ARHGAP44: variants seen among roughly 807,000 people sequenced by gnomAD.
ARHGAP44 encodes Rho GTPase activating protein 44, also known as rho GTPase-activating protein 44.
In ARHGAP44, 43 loss-of-function variants were observed where a neutral mutation model predicts 106.8. The observed-to-expected ratio is 0.40, with a 90% CI of 0.32 to 0.52. The LOEUF (loss-of-function observed/expected upper bound fraction) is 0.52. Ranked by LOEUF, ARHGAP44 falls within the 20% of genes least tolerant of loss-of-function variation. ARHGAP44 has a pLI of 0.48. For missense variants in ARHGAP44, 866 were observed against 1,050.5 expected, an observed-to-expected ratio of 0.82 and a Z score of 2.43; for synonymous variants, 439 against 410.3, an observed-to-expected ratio of 1.07 and a Z score of -0.85.
chr17:12,904,354 C>T lies in ARHGAP44; in HGVS notation c.199-4543C>T, dbSNP rs904109609. Among the ~76,000 whole-genome samples the T allele has an allele frequency of 1.7e-4, 26 of 152,312 alleles. 1 individual carries two copies. The highest frequency in any genetic ancestry group is 4.1e-4 in the African/African-American group (17 of 41,572). The stretch of plus-strand genomic sequence containing the variant: ...ATCTCTTGACCTCATGATCTGCCCA[C>T]GTTGGCCTCCCAAAGCTCTGGGATT... On this transcript the variant is annotated intron_variant, in intron 3 of 20. Transcript: ENST00000379672.
intron 1 of ARHGAP44, among the ~76,000 whole-genome samples, chr17:12,842,454 A>AT (rs2035446396): frequency 8.0e-6 from 1 of 124,972 alleles, no homozygotes; most frequent in African/African-American, 4.9e-5. Context: ...AGAAAAGAAA[A>AT]GAAAAAAATC....
chr17:12,965,172 T>C lies in ARHGAP44; in HGVS notation c.1523+6275T>C, dbSNP rs139700284. 7.5e-3 allele frequency among the ~76,000 whole-genome samples: 1,141 copies of C among 152,256 alleles called. 14 individuals are homozygous for C. The highest frequency in any genetic ancestry group is 0.025 in the African/African-American group (1,025 of 41,552). ...CCATCAAAACGTCCTTGGATCCCGATGGGCCGGCGATCTGCCACGGAGATC... is the reference window on the plus strand; with the variant it reads ...CCATCAAAACGTCCTTGGATCCCGACGGGCCGGCGATCTGCCACGGAGATC... On this transcript the variant is annotated intron_variant, in intron 16 of 20. Transcript: ENST00000379672.
intron 3 of ARHGAP44, among the ~76,000 whole-genome samples, chr17:12,908,612 A>G (rs997595207): frequency 1.3e-5 from 2 of 151,888 alleles, no homozygotes; most frequent in African/African-American, 2.4e-5. Context: ...AATTTTTCTC[A>G]TTTTTCCTTC....
At chr17:12,953,923 A>C (rs545083237) in intron 13 of ARHGAP44, among the ~76,000 whole-genome samples, 2 of 152,070 alleles carry the variant, frequency 1.3e-5, no homozygotes, top group African/African-American at 4.8e-5. Flanking sequence ...GTCTCACTCT[A>C]TCTCCCAGGC....
rs1274646142 is a variant in ARHGAP44 at position 12,990,820 on chromosome 17, T to TGA, written c.*650_*651dup. On this transcript the variant is annotated 3_prime_UTR_variant, in exon 21 of 21. Transcript: ENST00000379672. ...TAACAGTTTTCCTTTTTCCACTGTG[T>TGA]GACTGAAAGCTCCTATATCATTTTA... is the stretch of plus-strand genomic sequence containing the variant. The TGA allele has an allele frequency of 6.6e-6, 1 of 152,302 alleles. No individual in the cohort carries two copies. Among genetic ancestry groups the TGA allele is most frequent in the Non-Finnish European group, 1.5e-5 (1 of 68,088 alleles). The allele number at this position is 152,302 out of a possible 1,614,324, so 9.4% of individuals were successfully genotyped here. A position where few individuals can be genotyped will look rare whatever the true frequency, so the allele number is the denominator to read the frequency against.
chr17:12,987,012 T>C (rs1567727094), intron 20 of ARHGAP44: 10 of 1,286,014 alleles, frequency 7.8e-6, no homozygotes, highest in Admixed American at 4.4e-5. Context: ...GACTGTGATA[T>C]TGGCATAGCT....
chr17:12,967,273 T>C (rs2039417708), intron 16 of ARHGAP44, among the ~76,000 whole-genome samples: 1 of 119,066 alleles, frequency 8.4e-6, no homozygotes, highest in Admixed American at 8.7e-5. Flanking sequence ...TTTTTTTTTT[T>C]TTCCTGAGAT....
Position 12,916,026 on chromosome 17 carries a change from T to G in ARHGAP44, c.387+15T>G, listed in dbSNP as rs775314906. Reference sequence around the variant, plus strand: ...TGCTGGCGGAGGTAAGCAGCAGGAGTGAGGCCAGGCCTGAAAGAGCAAGGA... The same window carrying G: ...TGCTGGCGGAGGTAAGCAGCAGGAGGGAGGCCAGGCCTGAAAGAGCAAGGA... On this transcript the variant is annotated intron_variant, in intron 5 of 20. Transcript: ENST00000379672. The G allele has an allele frequency of 6.2e-7, 1 of 1,608,382 alleles. No homozygotes were observed. Among genetic ancestry groups the G allele is most frequent in the Admixed American group, 1.7e-5 (1 of 59,864 alleles).
chr17:12,849,180 G>T (rs529212649), intron 1 of ARHGAP44, among the ~76,000 whole-genome samples: 2 of 151,736 alleles, frequency 1.3e-5, no homozygotes, highest in East Asian at 3.9e-4. Flanking sequence ...TTTTTTCTAG[G>T]GTCTGCACGC....
chr17:12,990,284 C>T lies in ARHGAP44; in HGVS notation c.*113C>T. On this transcript the variant is annotated 3_prime_UTR_variant, in exon 21 of 21. Coordinates refer to ENST00000379672, the MANE Select transcript of ARHGAP44 (RefSeq NM_014859.6). ...GTTCTCTGCTGGCTCTTTCCTGCCA[C>T]TGCCAACACGAGGTTGGAATTTGGC... 1 of 1,372,406 alleles carries T rather than the reference C, an allele frequency of 7.3e-7. No individual in the cohort carries two copies. The highest frequency in any genetic ancestry group is 9.8e-7 in the Non-Finnish European group (1 of 1,021,384). 85.0% of individuals were successfully genotyped at this position (1,372,406 alleles called of 1,614,324 possible).
At chr17:12,850,401 T>C (rs2035704886) in intron 1 of ARHGAP44, among the ~76,000 whole-genome samples, 1 of 148,380 alleles carries the variant, frequency 6.7e-6, no homozygotes, top group African/African-American at 2.6e-5. Flanking sequence ...AAATTGCGAT[T>C]GCCTTACTCA....
chr17:12,891,849 C>T (rs1312593367), intron 1 of ARHGAP44, among the ~76,000 whole-genome samples: 1 of 149,764 alleles, frequency 6.7e-6, no homozygotes, highest in Non-Finnish European at 1.5e-5. Flanking sequence ...GGCTGGAGTG[C>T]AGTGGCATGA....
Position 12,949,191 on chromosome 17 carries a change from G to A in ARHGAP44, c.913G>A (p.Ala305Thr). ...CTCCAAACTGAAGAAGCTGAAAGCG[G>A]CCCTGGACTGCTGCGTGGTGGATGT... is the stretch of plus-strand genomic sequence containing the variant. Reference protein sequence around the residue: ...SASKLKKLKAALDCCVVDVQE... With the variant: ...SASKLKKLKATLDCCVVDVQE... The change falls in exon 11 of 21, where the codon GCC becomes ACC. Residue 305 changes from alanine to threonine, a missense_variant. This residue lies in a region of ARHGAP44 where 448 missense variants were observed against 646.9 expected (regional missense o/e 0.69). Transcript: ENST00000379672. The surrounding 1 kb of genome is among the most constrained non-coding windows in gnomAD (Gnocchi z 4.1). The A allele has an allele frequency of 6.3e-7, 1 of 1,582,532 alleles. No homozygotes were observed. The highest frequency in any genetic ancestry group is 1.2e-5 in the South Asian group (1 of 86,070).
chr17:12,873,937 AT>A (rs1406320491), intron 1 of ARHGAP44, among the ~76,000 whole-genome samples: 2 of 143,376 alleles, frequency 1.4e-5, no homozygotes, highest in African/African-American at 5.9e-5. Context: ...AAACAAATAA[AT>A]AAATAAATAA....
chr17:12,811,144 C>G (rs562665445), intron 1 of ARHGAP44, among the ~76,000 whole-genome samples: 1 of 151,946 alleles, frequency 6.6e-6, no homozygotes, highest in African/African-American at 2.4e-5. Context: ...AACCCCATCT[C>G]TACTAAAAAT....
At chr17:12,860,568 A>C (rs1162974108) in intron 1 of ARHGAP44, among the ~76,000 whole-genome samples, 1 of 152,244 alleles carries the variant, frequency 6.6e-6, no homozygotes, top group Non-Finnish European at 1.5e-5. Context: ...CTACAGATAC[A>C]TCTATTGATA....
intron 1 of ARHGAP44, among the ~76,000 whole-genome samples, chr17:12,869,477 A>T (rs1245056782): frequency 6.6e-6 from 1 of 152,154 alleles, no homozygotes; most frequent in South Asian, 2.1e-4. Context: ...CATACAACAT[A>T]ATAAAATTTA....
chr17:12,893,835 G>A (rs1052763163), intron 1 of ARHGAP44, among the ~76,000 whole-genome samples: 2 of 152,134 alleles, frequency 1.3e-5, no homozygotes, highest in Admixed American at 6.5e-5. Context: ...TGAGCCTCTT[G>A]GTGTTTTAGG....
chr17:12,973,893 C>CT, intron 17 of ARHGAP44, 196 bp from the exon 18 acceptor site: 1 of 645,850 alleles, frequency 1.5e-6, no homozygotes, highest in South Asian at 1.8e-5. Context: ...CTGGGCTGCC[C>CT]AGGGCTGTGT....
Sources: gnomAD v4.1 joint callset for allele counts (sites outside exome capture counted in the v4.1 genomes callset) on GRCh38, gnomAD v4.1.1 for gene constraint, gnomAD v4.1.1 regional missense constraint, Gnocchi (gnomAD v3.1) non-coding constraint, MANE v1.5 for transcripts, NCBI Gene and HGNC (gene_info 2026-07-23, HGNC 2026-07-21) for gene names.